Variants in FBXW4 observed in about 807,000 individuals in gnomAD.
The protein encoded by FBXW4 is F-box and WD repeat domain containing 4, also known as F-box/WD repeat-containing protein 4.
In FBXW4, 40 loss-of-function variants were observed where a neutral mutation model predicts 61.8. The ratio of observed to expected loss-of-function variants is 0.65; its 90% CI spans 0.50 to 0.84. The LOEUF (loss-of-function observed/expected upper bound fraction) is 0.84. Among genes scored for constraint, FBXW4 ranks in the 40% least tolerant of loss-of-function variants. The pLI, the probability that FBXW4 is intolerant of heterozygous loss-of-function variation, is 0.00. For synonymous variants in FBXW4, 311 were observed against 313.8 expected (o/e 0.99, Z 0.10); for missense variants, 672 against 753.8 (o/e 0.89, Z 1.27).
rs1258621940 is a variant in FBXW4 at position 101,694,344 on chromosome 10, C to G, written c.725+37G>C. The G allele has an allele frequency of 7.4e-7, 1 of 1,346,344 alleles. No homozygotes were observed. Among genetic ancestry groups the G allele is most frequent in the Non-Finnish European group, 9.5e-7 (1 of 1,056,422 alleles). The allele number at this position is 1,346,344 out of a possible 1,614,324, so 83.4% of individuals were successfully genotyped here. ...GCCCTTTCCCGGGACGCGGGGCCGG[C>G]TCGGGGCGGGGAGCGGGCGGGCGAG... On this transcript the variant is annotated intron_variant, in intron 1 of 8. Transcript: ENST00000331272. This position sits in a 1 kb window ranked among gnomAD's most constrained non-coding sequence, Gnocchi z 6.0.
chr10:101,627,066 T>A (rs79758886), intron 5 of FBXW4, among the ~76,000 whole-genome samples: 11 of 148,662 alleles, frequency 7.4e-5, no homozygotes, highest in South Asian at 2.1e-4. Context: ...TTTTTTTTTT[T>A]AAATAGAGAC....
At chr10:101,671,019 T>C (rs796752957) in intron 4 of FBXW4, among the ~76,000 whole-genome samples, 55 of 152,336 alleles carry the variant, frequency 3.6e-4, no homozygotes, top group African/African-American at 1.3e-3. Context: ...TACAGGCAAA[T>C]ATCACTGCAA....
rs2064257169 is a variant in FBXW4, at chr10:101,662,786, T to C, written c.1235+5100A>G. Among the ~76,000 whole-genome samples the C allele has an allele frequency of 2.0e-5, 3 of 152,066 alleles. No individual in the cohort carries two copies. The South Asian group carries it at 6.2e-4, about 32-fold the overall frequency. ...AGGGTATGTAGATCTGTAGATTCACTTCACCACATGCCCCCCATGGGTGGC... is the reference window on the plus strand; with the variant it reads ...AGGGTATGTAGATCTGTAGATTCACCTCACCACATGCCCCCCATGGGTGGC... On this transcript the variant is annotated intron_variant, in intron 5 of 8. Coordinates refer to ENST00000331272, the MANE Select transcript of FBXW4 (RefSeq NM_022039.4).
At chr10:101,629,238 A>G (rs2063931286) in intron 5 of FBXW4, among the ~76,000 whole-genome samples, 1 of 152,146 alleles carries the variant, frequency 6.6e-6, no homozygotes, top group East Asian at 1.9e-4. Context: ...ACATGTTTCA[A>G]AAGCATTATC....
In FBXW4 at chr10:101,612,438, TG is replaced by T; in HGVS notation, c.1340del (p.Pro447GlnfsTer86). 2 of 1,593,070 alleles carry T rather than the reference TG, an allele frequency of 1.3e-6. No individual in the cohort carries two copies. The highest frequency in any genetic ancestry group is 2.3e-5 in the East Asian group (1 of 43,680). ...ACATGACATCCAGCACCCCAGCCCC[TG>T]GGGGAAAGTCACTGCCCAAGTGTGT... ...LMTHLGSDFP[P>X]GAGVLDVMYE... On this transcript the variant is annotated frameshift_variant, in exon 7 of 9. Coordinates refer to ENST00000331272, the MANE Select transcript of FBXW4 (RefSeq NM_022039.4). LOFTEE classifies it high-confidence loss of function.
Position 101,611,582 on chromosome 10 carries a change from A to G in FBXW4, c.1584+46T>C. ...CACCCTCTCCCAAATGCAGCCCATA[A>G]TCATGAGTCCTGGCATGCTGGAGAA... On this transcript the variant is annotated intron_variant, in intron 8 of 8. Coordinates refer to ENST00000331272, the MANE Select transcript of FBXW4 (RefSeq NM_022039.4). This position sits in a 1 kb window ranked among gnomAD's most constrained non-coding sequence, Gnocchi z 4.9. 1 of 1,606,432 alleles carries G rather than the reference A, an allele frequency of 6.2e-7. No individual in the cohort carries two copies. Among genetic ancestry groups the G allele is most frequent in the East Asian group, 2.2e-5 (1 of 44,688 alleles).
chr10:101,629,256 A>G (rs1422139769), intron 5 of FBXW4, among the ~76,000 whole-genome samples: 1 of 151,764 alleles, frequency 6.6e-6, no homozygotes, highest in African/African-American at 2.4e-5. Context: ...ATCCTATGTA[A>G]TCCTCATAAC....
At chr10:101,664,793 G>A (rs760873101) in intron 5 of FBXW4, among the ~76,000 whole-genome samples, 4 of 152,196 alleles carry the variant, frequency 2.6e-5, no homozygotes, top group Admixed American at 2.0e-4. Flanking sequence ...TTCATAATCA[G>A]CATGGGTGAT....
intron 5 of FBXW4, among the ~76,000 whole-genome samples, chr10:101,640,064 A>G (rs926411435): frequency 6.6e-6 from 1 of 152,242 alleles, no homozygotes; most frequent in Admixed American, 6.5e-5. Flanking sequence ...CCAGGCCTCT[A>G]CTGGACACCT....
rs140286143 is a variant in FBXW4 at position 101,611,663 on chromosome 10, G to A, written c.1549C>T (p.Arg517Trp). The change falls in exon 8 of 9, where the codon CGG becomes TGG. Residue 517 changes from arginine (R) to tryptophan (W), a missense_variant. Coordinates refer to ENST00000331272, the MANE Select transcript of FBXW4 (RefSeq NM_022039.4). This position sits in a 1 kb window ranked among gnomAD's most constrained non-coding sequence, Gnocchi z 4.9. ...ATGSSYYGVV[R>W]LWDRRQRACL... is the part of the protein sequence containing the mutation. ...GCCCTTTGACGCCGGTCCCACAGCC[G>A]TACAACACCGTAGTAGGAGGAACCT... 3.8e-5 allele frequency: 62 copies of A among 1,614,200 alleles called. No individual in the cohort carries two copies. Among genetic ancestry groups the A allele is most frequent in the South Asian group, 2.5e-4 (23 of 91,088 alleles).
intron 1 of FBXW4, among the ~76,000 whole-genome samples, chr10:101,678,986 C>A (rs2064445318): frequency 6.6e-6 from 1 of 152,188 alleles, no homozygotes; most frequent in African/African-American, 2.4e-5. Context: ...AAAAAACACA[C>A]ACACACAGAT....
At chr10:101,639,003 T>C (rs757107522) in intron 5 of FBXW4, among the ~76,000 whole-genome samples, 3 of 152,226 alleles carry the variant, frequency 2.0e-5, no homozygotes, top group Non-Finnish European at 4.4e-5. Context: ...ATGTACACAA[T>C]AGGTAAAGCC....
At position 101,694,247 on chromosome 10, in the gene FBXW4, G is replaced by A; in HGVS notation, c.725+134C>T. 1.2e-6 allele frequency: 1 copy of A among 828,280 alleles called. No individual in the cohort carries two copies. Among genetic ancestry groups the A allele is most frequent in the Non-Finnish European group, 1.7e-6 (1 of 600,722 alleles). 51.3% of individuals were successfully genotyped at this position (828,280 alleles called of 1,614,324 possible). A position where few individuals can be genotyped will look rare whatever the true frequency, so the allele number is the denominator to read the frequency against. ...CCGAGAGTGCTCGGGAAAGGGTGTA[G>A]GCGGAGGTCAGGTGTAGGCCTAGAA... is the stretch of plus-strand genomic sequence containing the variant. On this transcript the variant is annotated intron_variant, in intron 1 of 8. Transcript: ENST00000331272. This position sits in a 1 kb window ranked among gnomAD's most constrained non-coding sequence, Gnocchi z 6.0.
At chr10:101,663,464 T>C (rs115155647) in intron 5 of FBXW4, among the ~76,000 whole-genome samples, 167 of 152,370 alleles carry the variant, frequency 1.1e-3, no homozygotes, top group African/African-American at 3.7e-3. Context: ...AAATAATTTT[T>C]AAATGGCAAT....
intron 5 of FBXW4, among the ~76,000 whole-genome samples, chr10:101,629,674 A>C (rs770366648): frequency 3.0e-4 from 46 of 152,072 alleles, no homozygotes; most frequent in Non-Finnish European, 6.2e-4. Context: ...AGTGGACTGG[A>C]ATTGGAACCC....
chr10:101,684,521 C>T (rs1183167014), intron 1 of FBXW4, among the ~76,000 whole-genome samples: 1 of 152,090 alleles, frequency 6.6e-6, no homozygotes, highest in Non-Finnish European at 1.5e-5. Context: ...CCACCTGCCT[C>T]GGCCTCCCAA....
chr10:101,650,733 G>A lies in FBXW4; in HGVS notation c.1235+17153C>T, dbSNP rs923909084. On this transcript the variant is annotated intron_variant, in intron 5 of 8. Transcript: ENST00000331272. Reference sequence around the variant, plus strand: ...AAATCTGCCACCAGCCTCTAGGGCCGAAGACCCTCCAAGAAGAAAAAGCCC... The same window carrying A: ...AAATCTGCCACCAGCCTCTAGGGCCAAAGACCCTCCAAGAAGAAAAAGCCC... 4.6e-5 allele frequency among the ~76,000 whole-genome samples: 7 copies of A among 152,228 alleles called. No individual in the cohort carries two copies. In the East Asian group the frequency reaches 7.7e-4, roughly 17 times the overall value.
At chr10:101,695,280 G>T (rs2064664751), upstream of FBXW4, 1 of 834,964 alleles carries the variant, frequency 1.2e-6, no homozygotes, top group Admixed American at 6.2e-5. This position sits in a 1 kb window ranked among gnomAD's most constrained non-coding sequence, Gnocchi z 4.2. Flanking sequence ...GCTGGGGCCG[G>T]GGCGCTGACA....
At chr10:101,628,002 G>T in intron 5 of FBXW4, 1 of 985,284 alleles carries the variant, frequency 1.0e-6, no homozygotes, top group African/African-American at 1.7e-5. Flanking sequence ...ATTTGAATCC[G>T]CGAGATGTCT....
Sources: allele counts gnomAD v4.1 joint callset (sites outside exome capture counted in the v4.1 genomes callset), GRCh38; gene constraint gnomAD v4.1.1; non-coding constraint Gnocchi (gnomAD v3.1); transcripts MANE v1.5; gene names NCBI Gene and HGNC (gene_info 2026-07-23, HGNC 2026-07-21).